The following GALNT13 variants were observed in gnomAD, a reference collection of about 807,000 sequenced individuals.
The protein encoded by GALNT13 is UDP-GalNAc:polypeptide N-acetylgalactosaminyltransferase 13.
GALNT13 carries 28 observed loss-of-function variants against 64.2 expected under a neutral mutation model. The observed-to-expected ratio is 0.44, with a 90% confidence interval of 0.32 to 0.60. GALNT13 has a LOEUF of 0.60. Among genes scored for constraint, GALNT13 ranks in the 20% least tolerant of loss-of-function variants. GALNT13 has a pLI of 0.05. For missense variants in GALNT13, 577 were observed against 669.8 expected, an observed-to-expected ratio of 0.86 and a Z score of 1.53; for synonymous variants, 214 against 224.6, an observed-to-expected ratio of 0.95 and a Z score of 0.42.
the GALNT13 span, among the ~76,000 whole-genome samples, chr2:153,542,557 C>G: frequency 1.3e-5 from 2 of 152,090 alleles, no homozygotes; most frequent in Admixed American, 1.3e-4. Flanking sequence ...TTTGATTAAA[C>G]TGAACTAACA....
the GALNT13 span, among the ~76,000 whole-genome samples, chr2:153,256,265 C>T: frequency 6.6e-6 from 1 of 152,022 alleles, no homozygotes. Flanking sequence ...GCATCAGCTC[C>T]TGAGGCTTCT....
chr2:153,205,494 T>A, the GALNT13 span, among the ~76,000 whole-genome samples: 1 of 152,158 alleles, frequency 6.6e-6, no homozygotes, highest in African/African-American at 2.4e-5. Context: ...AGTTTTAATT[T>A]GGTGAATCAG....
chr2:154,020,596 A>G (rs967216685), intron 3 of GALNT13, among the ~76,000 whole-genome samples: 7 of 152,044 alleles, frequency 4.6e-5, no homozygotes, highest in African/African-American at 1.7e-4. Context: ...GATTCTGGAT[A>G]TCAGCCCTTT....
the GALNT13 span, among the ~76,000 whole-genome samples, chr2:153,579,291 T>C: frequency 3.9e-5 from 6 of 152,070 alleles, no homozygotes; most frequent in African/African-American, 1.2e-4. Context: ...TTTTTTTTTC[T>C]AATATGTATT....
At chr2:153,093,856 T>G in the GALNT13 span, among the ~76,000 whole-genome samples, 1 of 152,156 alleles carries the variant, frequency 6.6e-6, no homozygotes, top group Non-Finnish European at 1.5e-5. Context: ...ATTTCATTAC[T>G]TTTTATTGGT....
At chr2:153,793,717 T>C in the GALNT13 span, among the ~76,000 whole-genome samples, 1 of 151,712 alleles carries the variant, frequency 6.6e-6, no homozygotes. Context: ...AAAGGAAAAT[T>C]TAAATCTTCA....
At chr2:153,948,990 TAAAATA>T (rs72248286) in intron 3 of GALNT13, among the ~76,000 whole-genome samples, 30,512 of 151,906 alleles carry the variant, frequency 0.2, 3,971 homozygotes, top group Middle Eastern at 0.33. Flanking sequence ...CCCCTGAACT[TAAAATA>T]AAAGTTAAAC....
At chr2:154,257,093 A>G (rs1255511825) in intron 7 of GALNT13, among the ~76,000 whole-genome samples, 2 of 152,130 alleles carry the variant, frequency 1.3e-5, no homozygotes, top group Admixed American at 6.6e-5. Flanking sequence ...ACTATCCAGG[A>G]GTATCTGTCT....
the GALNT13 span, among the ~76,000 whole-genome samples, chr2:153,411,487 C>T: frequency 3.3e-5 from 5 of 151,952 alleles, no homozygotes; most frequent in African/African-American, 4.8e-5. Context: ...CGGGAGTAGG[C>T]GGTGGGGGAA....
chr2:153,933,824 A>T (rs1690705993), intron 2 of GALNT13, among the ~76,000 whole-genome samples: 1 of 152,162 alleles, frequency 6.6e-6, no homozygotes, highest in Non-Finnish European at 1.5e-5. Context: ...TTGTCTGAAA[A>T]GGATTTTATT....
the GALNT13 span, among the ~76,000 whole-genome samples, chr2:153,801,230 G>T: frequency 6.6e-6 from 1 of 151,970 alleles, no homozygotes; most frequent in South Asian, 2.1e-4. Flanking sequence ...GTTCTTTGGA[G>T]TAGATTTTTA....
the GALNT13 span, among the ~76,000 whole-genome samples, chr2:153,619,459 G>A: frequency 6.6e-6 from 1 of 152,080 alleles, no homozygotes; most frequent in East Asian, 1.9e-4. Context: ...TACAGTTACA[G>A]TGTTATAATA....
chr2:153,257,867 T>G, the GALNT13 span, among the ~76,000 whole-genome samples: 1 of 152,178 alleles, frequency 6.6e-6, no homozygotes, highest in African/African-American at 2.4e-5. Context: ...ACTGGAATGG[T>G]GTGCTTTCTT....
intron 10 of GALNT13, among the ~76,000 whole-genome samples, chr2:154,399,659 C>T (rs1699209724): frequency 6.6e-6 from 1 of 152,124 alleles, no homozygotes; most frequent in Non-Finnish European, 1.5e-5. Flanking sequence ...CTTGGCTGCA[C>T]CTCTTAATAC....
At chr2:153,155,855 T>C in the GALNT13 span, among the ~76,000 whole-genome samples, 2 of 152,064 alleles carry the variant, frequency 1.3e-5, no homozygotes, top group South Asian at 4.1e-4. Context: ...TTCTAACTTT[T>C]TGATGTGGGC....
At chr2:154,134,096 G>A (rs954753082) in intron 3 of GALNT13, among the ~76,000 whole-genome samples, 5 of 152,000 alleles carry the variant, frequency 3.3e-5, no homozygotes, top group African/African-American at 9.7e-5. Flanking sequence ...TTCTATTCTC[G>A]GTTAAGGACC....
chr2:154,423,410 C>A (rs1358570226), intron 11 of GALNT13, among the ~76,000 whole-genome samples: 1 of 152,102 alleles, frequency 6.6e-6, no homozygotes, highest in African/African-American at 2.4e-5. Context: ...GATTTGTAAT[C>A]CTTTGGGTGT....
intron 11 of GALNT13, among the ~76,000 whole-genome samples, chr2:154,420,238 T>C (rs1339724579): frequency 6.6e-6 from 1 of 152,094 alleles, no homozygotes; most frequent in East Asian, 1.9e-4. Flanking sequence ...AAAAGGAAAA[T>C]GTGTTGCTAC....
the GALNT13 span, among the ~76,000 whole-genome samples, chr2:153,151,348 G>A: frequency 6.6e-6 from 1 of 151,770 alleles, no homozygotes; most frequent in Non-Finnish European, 1.5e-5. Context: ...TGGAGAGGAT[G>A]TGGAGAAATA....
Sources: gnomAD v4.1 joint callset for allele counts (sites outside exome capture counted in the v4.1 genomes callset) on GRCh38, gnomAD v4.1.1 for gene constraint, MANE v1.5 for transcripts, NCBI Gene and HGNC (gene_info 2026-07-23, HGNC 2026-07-21) for gene names.